Variants in SH3RF3 observed in about 807,000 individuals in gnomAD.
SH3RF3 encodes the protein SH3 domain containing ring finger 3, also known as E3 ubiquitin-protein ligase SH3RF3.
SH3RF3 carries 29 observed loss-of-function variants against 66.3 expected under a neutral mutation model. That is an observed-to-expected ratio of 0.44 (90% confidence interval 0.33 to 0.60). The LOEUF (loss-of-function observed/expected upper bound fraction) is 0.60. Among genes scored for constraint, SH3RF3 ranks in the 20% least tolerant of loss-of-function variants. The pLI, the probability that SH3RF3 is intolerant of heterozygous loss-of-function variation, is 0.04. For missense variants in SH3RF3, 1,194 were observed against 1,190.9 expected (o/e 1.00, Z -0.04); for synonymous variants, 583 against 532.0 (o/e 1.10, Z -1.32).
intron 1 of SH3RF3, among the ~76,000 whole-genome samples, chr2:109,297,542 C>A (rs1415380980): frequency 6.6e-6 from 1 of 151,714 alleles, no homozygotes; most frequent in African/African-American, 2.4e-5. Context: ...AGGCCAGTGC[C>A]CCCCACCCAA....
chr2:109,492,830 G>T (rs1679164692), intron 9 of SH3RF3, among the ~76,000 whole-genome samples: 1 of 152,026 alleles, frequency 6.6e-6, no homozygotes, highest in Non-Finnish European at 1.5e-5. Context: ...GGACATCGTG[G>T]GACATGTCAC....
intron 1 of SH3RF3, among the ~76,000 whole-genome samples, chr2:109,337,200 G>T (rs896364401): frequency 1.3e-5 from 2 of 152,186 alleles, no homozygotes; most frequent in African/African-American, 2.4e-5. Context: ...TTGGCCACAT[G>T]ATTTAAAGAT....
chr2:109,329,534 C>T (rs533596174), intron 1 of SH3RF3, among the ~76,000 whole-genome samples: 2 of 152,216 alleles, frequency 1.3e-5, no homozygotes, highest in Admixed American at 6.5e-5. Flanking sequence ...CCCCATTCTC[C>T]CTTCCCTGCA....
intron 2 of SH3RF3, among the ~76,000 whole-genome samples, chr2:109,366,011 T>G (rs1327242797): frequency 6.6e-6 from 1 of 152,238 alleles, no homozygotes; most frequent in Non-Finnish European, 1.5e-5. Flanking sequence ...TTCTGGCATA[T>G]AAGACAATTC....
At chr2:109,367,623 A>G (rs919602938) in intron 2 of SH3RF3, among the ~76,000 whole-genome samples, 1 of 152,084 alleles carries the variant, frequency 6.6e-6, no homozygotes, top group African/African-American at 2.4e-5. Context: ...TTTAATTTCC[A>G]TTATTTCTCT....
At chr2:109,448,648 C>T (rs968994469) in intron 7 of SH3RF3, among the ~76,000 whole-genome samples, 4 of 152,210 alleles carry the variant, frequency 2.6e-5, no homozygotes, top group African/African-American at 9.6e-5. Flanking sequence ...AAAATAAGCT[C>T]AGGGGTCCTA....
At chr2:109,350,385 C>T (rs955863320) in intron 2 of SH3RF3, among the ~76,000 whole-genome samples, 1 of 152,118 alleles carries the variant, frequency 6.6e-6, no homozygotes, top group East Asian at 1.9e-4. Context: ...ATTCTTTGTT[C>T]AAGGACTTTC....
At chr2:109,436,535 G>A (rs1031075308) in intron 6 of SH3RF3, among the ~76,000 whole-genome samples, 2 of 152,344 alleles carry the variant, frequency 1.3e-5, no homozygotes, top group Non-Finnish European at 2.9e-5. Flanking sequence ...TCAAGGCCTC[G>A]CGGGACATGA....
At position 109,148,323 on chromosome 2, in the gene SH3RF3, A is replaced by G. The variant is rs951604815; in HGVS notation, c.573+18210A>G. Among the ~76,000 whole-genome samples the G allele has an allele frequency of 7.2e-5, 11 of 152,238 alleles. No individual in the cohort carries two copies. The East Asian group carries it at 2.1e-3, about 29-fold the overall frequency. ...TCCACCGGGACGGTGTGCTGCAGCC[A>G]GCCCAGGCCAGAGCGCCATCCGTGG... is the stretch of plus-strand genomic sequence containing the variant. On this transcript the variant is annotated intron_variant, in intron 1 of 9. Transcript: ENST00000309415.
chr2:109,311,667 C>T (rs1681728310), intron 1 of SH3RF3, among the ~76,000 whole-genome samples: 1 of 152,176 alleles, frequency 6.6e-6, no homozygotes, highest in African/African-American at 2.4e-5. Flanking sequence ...TGAGAGGAGA[C>T]CCAGTCTGTG....
intron 6 of SH3RF3, among the ~76,000 whole-genome samples, chr2:109,434,924 G>A (rs1293093298): frequency 2.6e-5 from 4 of 152,218 alleles, no homozygotes; most frequent in African/African-American, 9.6e-5. Flanking sequence ...CTGCTGCCAG[G>A]GAGTTTGTTA....
chr2:109,345,973 G>C (rs1682685429), intron 1 of SH3RF3, among the ~76,000 whole-genome samples: 1 of 152,236 alleles, frequency 6.6e-6, no homozygotes, highest in Non-Finnish European at 1.5e-5. Context: ...CCCAAATTAA[G>C]ATTCCCTGGC....
At chr2:109,289,056 G>C (rs1250557371) in intron 1 of SH3RF3, among the ~76,000 whole-genome samples, 1 of 152,172 alleles carries the variant, frequency 6.6e-6, no homozygotes, top group East Asian at 1.9e-4. Flanking sequence ...AACTGTTCCT[G>C]GAATAGGTGC....
At chr2:109,297,081 G>C (rs142093653) in intron 1 of SH3RF3, among the ~76,000 whole-genome samples, 8 of 152,042 alleles carry the variant, frequency 5.3e-5, no homozygotes, top group African/African-American at 1.2e-4. Flanking sequence ...TGGTCCAGGT[G>C]GGGGGTGACC....
chr2:109,464,188 G>A (rs1403948864), intron 8 of SH3RF3, among the ~76,000 whole-genome samples: 3 of 152,126 alleles, frequency 2.0e-5, no homozygotes, highest in African/African-American at 7.2e-5. Context: ...TTGTTTTATG[G>A]CTGGACTGAC....
intron 8 of SH3RF3, among the ~76,000 whole-genome samples, chr2:109,467,961 G>T (rs1402953814): frequency 6.6e-6 from 1 of 152,174 alleles, no homozygotes; most frequent in African/African-American, 2.4e-5. Context: ...CGGGCTGCTG[G>T]GTCAGAGGCA....
chr2:109,173,841 G>C (rs1420435283), intron 1 of SH3RF3, among the ~76,000 whole-genome samples: 1 of 152,214 alleles, frequency 6.6e-6, no homozygotes, highest in Non-Finnish European at 1.5e-5. Context: ...GTCGTCCTTG[G>C]AATTGGATGT....
chr2:109,219,479 A>G (rs1235787860), intron 1 of SH3RF3, among the ~76,000 whole-genome samples: 2 of 152,142 alleles, frequency 1.3e-5, no homozygotes, highest in African/African-American at 4.8e-5. Context: ...AAAATAAATT[A>G]TTGGCTTCCA....
At chr2:109,180,366 C>G (rs898482036) in intron 1 of SH3RF3, among the ~76,000 whole-genome samples, 2 of 152,184 alleles carry the variant, frequency 1.3e-5, no homozygotes, top group Non-Finnish European at 2.9e-5. Context: ...GGGACCATCT[C>G]ATTGGCTCAG....
Sources: gnomAD v4.1 joint callset for allele counts (sites outside exome capture counted in the v4.1 genomes callset) on GRCh38, gnomAD v4.1.1 for gene constraint, MANE v1.5 for transcripts, NCBI Gene and HGNC (gene_info 2026-07-23, HGNC 2026-07-21) for gene names.